The following KCTD8 variants were observed in gnomAD, a reference collection of about 807,000 sequenced individuals.
The protein encoded by KCTD8 is BTB/POZ domain-containing protein KCTD8.
In KCTD8, 27 loss-of-function variants were observed where a neutral mutation model predicts 31.5. The observed-to-expected ratio is 0.86, with a 90% CI of 0.63 to 1.18. KCTD8 has a LOEUF of 1.18. KCTD8 is among the 50% of genes most tolerant of loss of function. The pLI is 0.00. For synonymous variants in KCTD8, 290 were observed against 280.0 expected, an observed-to-expected ratio of 1.04 and a Z score of -0.36; for missense variants, 658 against 647.7, an observed-to-expected ratio of 1.02 and a Z score of -0.17.
At chr4:44,447,537 G>GCAGGAGGC (rs1721973000) in intron 1 of KCTD8, 26 bp downstream of exon 1, 3 of 1,516,206 alleles carry the variant, frequency 2.0e-6, no homozygotes, top group Non-Finnish European at 2.7e-6. Flanking sequence ...GAGGGGTGCT[G>GCAGGAGGC]GGAAACGCCG....
chr4:44,333,510 A>C (rs909723586), intron 1 of KCTD8, among the ~76,000 whole-genome samples: 13 of 152,116 alleles, frequency 8.5e-5, no homozygotes, highest in Admixed American at 5.9e-4. Flanking sequence ...CTGGGTAGGT[A>C]TAACTAAGGT....
chr4:44,312,953 T>C (rs1717998208), intron 1 of KCTD8, among the ~76,000 whole-genome samples: 1 of 152,148 alleles, frequency 6.6e-6, no homozygotes. Context: ...CATTACTCCC[T>C]TACTAGCTGA....
At chr4:44,412,582 T>A (rs868445957) in intron 1 of KCTD8, among the ~76,000 whole-genome samples, 1 of 152,140 alleles carries the variant, frequency 6.6e-6, no homozygotes, top group South Asian at 2.1e-4. Flanking sequence ...TCACATCTAC[T>A]AGGAGAGAGC....
At chr4:44,335,468 A>G (rs1718714416) in intron 1 of KCTD8, among the ~76,000 whole-genome samples, 1 of 152,116 alleles carries the variant, frequency 6.6e-6, no homozygotes, top group Admixed American at 6.5e-5. Flanking sequence ...AAAAGTTGTA[A>G]AGAAACTTTA....
At chr4:44,312,450 C>A (rs1041767703) in intron 1 of KCTD8, among the ~76,000 whole-genome samples, 1 of 152,142 alleles carries the variant, frequency 6.6e-6, no homozygotes, top group East Asian at 1.9e-4. Flanking sequence ...TTTTTCCTTT[C>A]CATCATTTAC....
intron 1 of KCTD8, among the ~76,000 whole-genome samples, chr4:44,289,340 G>A (rs1372276721): frequency 3.3e-5 from 5 of 151,772 alleles, no homozygotes; most frequent in Admixed American, 2.6e-4. Context: ...TAAATACAAA[G>A]ACAAAATATA....
At chr4:44,400,424 A>G (rs1720618116) in intron 1 of KCTD8, among the ~76,000 whole-genome samples, 2 of 151,598 alleles carry the variant, frequency 1.3e-5, no homozygotes, top group South Asian at 2.1e-4. Flanking sequence ...AAAAAAAAAA[A>G]TAAAGATAAA....
At chr4:44,263,236 T>G (rs999162572) in intron 1 of KCTD8, among the ~76,000 whole-genome samples, 3 of 152,174 alleles carry the variant, frequency 2.0e-5, no homozygotes, top group Non-Finnish European at 4.4e-5. Flanking sequence ...TAACATGGAT[T>G]TCTGTGTTGA....
intron 1 of KCTD8, among the ~76,000 whole-genome samples, chr4:44,267,905 C>T (rs1158695976): frequency 1.3e-5 from 2 of 152,148 alleles, no homozygotes; most frequent in Non-Finnish European, 2.9e-5. Flanking sequence ...TTATCAATAG[C>T]TTACCAACCA....
intron 1 of KCTD8, among the ~76,000 whole-genome samples, chr4:44,240,676 G>T (rs1337193718): frequency 2.6e-5 from 4 of 152,042 alleles, no homozygotes; most frequent in African/African-American, 9.7e-5. Context: ...ATGATTTCTT[G>T]CTCCAATCAA....
chr4:44,365,490 G>A (rs1719607467), intron 1 of KCTD8, among the ~76,000 whole-genome samples: 2 of 152,036 alleles, frequency 1.3e-5, no homozygotes, highest in African/African-American at 4.8e-5. Context: ...AAAAATGAAT[G>A]CATTGAATAG....
At chr4:44,205,014 T>C (rs768770960) in intron 1 of KCTD8, among the ~76,000 whole-genome samples, 1 of 152,078 alleles carries the variant, frequency 6.6e-6, no homozygotes, top group Non-Finnish European at 1.5e-5. Context: ...GTGGACTTTA[T>C]TGATGAATCT....
At chr4:44,360,436 C>T (rs540485920) in intron 1 of KCTD8, among the ~76,000 whole-genome samples, 4 of 151,926 alleles carry the variant, frequency 2.6e-5, no homozygotes, top group Admixed American at 2.6e-4. Context: ...CTACGGAAAA[C>T]TTAGACATAG....
At chr4:44,205,263 A>G (rs1714268394) in intron 1 of KCTD8, among the ~76,000 whole-genome samples, 1 of 152,226 alleles carries the variant, frequency 6.6e-6, no homozygotes, top group Non-Finnish European at 1.5e-5. Flanking sequence ...ATACCAAAGC[A>G]TATATAAAAC....
At chr4:44,254,345 GT>G (rs976652560) in intron 1 of KCTD8, among the ~76,000 whole-genome samples, 8 of 151,894 alleles carry the variant, frequency 5.3e-5, no homozygotes, top group African/African-American at 1.9e-4. Flanking sequence ...ATCAAATATA[GT>G]TTTTTACAGG....
At chr4:44,413,901 A>G (rs959595049) in intron 1 of KCTD8, among the ~76,000 whole-genome samples, 1 of 152,154 alleles carries the variant, frequency 6.6e-6, no homozygotes, top group Admixed American at 6.5e-5. Flanking sequence ...CACAGAAAGA[A>G]AGAGATTGAT....
intron 1 of KCTD8, among the ~76,000 whole-genome samples, chr4:44,296,657 C>A (rs575705527): frequency 6.6e-6 from 1 of 152,192 alleles, no homozygotes; most frequent in Non-Finnish European, 1.5e-5. Flanking sequence ...TATTCCTCTA[C>A]TAACACAGTG....
chr4:44,389,661 G>T (rs995767883), intron 1 of KCTD8, among the ~76,000 whole-genome samples: 1 of 151,746 alleles, frequency 6.6e-6, no homozygotes, highest in African/African-American at 2.4e-5. Flanking sequence ...GAGTTCTGGA[G>T]ATTGGTTGCA....
intron 1 of KCTD8, among the ~76,000 whole-genome samples, chr4:44,290,222 G>T (rs1239937203): frequency 1.3e-5 from 2 of 151,740 alleles, no homozygotes; most frequent in South Asian, 2.1e-4. Context: ...ACAAAAAAGG[G>T]CATTATATAA....
Sources: gnomAD v4.1 joint callset for allele counts (sites outside exome capture counted in the v4.1 genomes callset) on GRCh38, gnomAD v4.1.1 for gene constraint, MANE v1.5 for transcripts, NCBI Gene and HGNC (gene_info 2026-07-23, HGNC 2026-07-21) for gene names.